DNAJC10: variants seen among roughly 807,000 people sequenced by gnomAD.
The protein encoded by DNAJC10 is DnaJ heat shock protein family (Hsp40) member C10.
In DNAJC10, 101 loss-of-function variants were observed where a neutral mutation model predicts 115.0. The ratio of observed to expected loss-of-function variants is 0.88; its 90% CI spans 0.75 to 1.04. DNAJC10 has a LOEUF of 1.04. Ranked by LOEUF, DNAJC10 falls within the 50% of genes least tolerant of loss-of-function variation. The pLI is 0.00. For synonymous variants in DNAJC10, 307 were observed against 301.5 expected, an observed-to-expected ratio of 1.02 and a Z score of -0.19; for missense variants, 981 against 928.8, an observed-to-expected ratio of 1.06 and a Z score of -0.73.
rs1163523637 is a variant in DNAJC10 at position 182,779,680 on chromosome 2, T to C, written c.*2548T>C. On this transcript the variant is annotated 3_prime_UTR_variant, in exon 24 of 24. Coordinates refer to ENST00000264065, the MANE Select transcript of DNAJC10 (RefSeq NM_018981.4). The stretch of plus-strand genomic sequence containing the variant: ...AGCTTTTTTATTTAAAGGTATATGA[T>C]TAAGATAAAGGAAAAGTAAAATGAA... The C allele has an allele frequency of 2.0e-5, 3 of 152,218 alleles. No homozygotes were observed. The highest frequency in any genetic ancestry group is 7.2e-5 in the African/African-American group (3 of 41,464). 9.4% of individuals were successfully genotyped at this position (152,218 alleles called of 1,614,324 possible).
intron 5 of DNAJC10, among the ~76,000 whole-genome samples, chr2:182,725,404 G>GTAT: frequency 6.6e-6 from 1 of 152,244 alleles, no homozygotes; most frequent in East Asian, 1.9e-4. Context: ...CCCAAGACAG[G>GTAT]CTAAAAGGTA....
intron 5 of DNAJC10, among the ~76,000 whole-genome samples, chr2:182,724,835 T>G (rs2105612946): frequency 6.6e-6 from 1 of 152,274 alleles, no homozygotes; most frequent in Middle Eastern, 3.4e-3. Flanking sequence ...TATTTTAACT[T>G]TATTCTTATT....
In DNAJC10 at chr2:182,781,582, A is replaced by G. The variant is rs1694848395; in HGVS notation, c.*4450A>G. Reference sequence around the variant, plus strand: ...TGAACAAATTTACACTCCCACTAACAGTGTAAAAGCATTCCTATTTCTCCA... The same window carrying G: ...TGAACAAATTTACACTCCCACTAACGGTGTAAAAGCATTCCTATTTCTCCA... On this transcript the variant is annotated 3_prime_UTR_variant, in exon 24 of 24. Coordinates refer to ENST00000264065, the MANE Select transcript of DNAJC10 (RefSeq NM_018981.4). 6.6e-6 allele frequency: 1 copy of G among 152,182 alleles called. No individual in the cohort carries two copies. The highest frequency in any genetic ancestry group is 2.1e-4 in the South Asian group (1 of 4,822). The allele number at this position is 152,182 out of a possible 1,614,324, so 9.4% of individuals were successfully genotyped here. A position where few individuals can be genotyped will look rare whatever the true frequency, so the allele number is the denominator to read the frequency against.
rs1160302432 is a variant in DNAJC10 at position 182,790,998 on chromosome 2, G to C, written c.*13866G>C. ...TCCTTCTCTCTTTGTTCACTATTTT[G>C]ATATTTAAATGTTATGACTTATTTT... is the stretch of plus-strand genomic sequence containing the variant. On this transcript the variant is annotated 3_prime_UTR_variant, in exon 24 of 24. Transcript: ENST00000264065. 6.6e-6 allele frequency: 1 copy of C among 151,480 alleles called. No individual in the cohort carries two copies. The highest frequency in any genetic ancestry group is 1.5e-5 in the Non-Finnish European group (1 of 67,894). The allele number at this position is 151,480 out of a possible 1,614,324, so 9.4% of individuals were successfully genotyped here.
At position 182,775,428 on chromosome 2, in the gene DNAJC10, C is replaced by G. The variant is rs1309702669; in HGVS notation, c.2370+8C>G. ...CAAGGCAAGAGGAATAAGGTATGGA[C>G]TAAGCCTAGAGTTGACTTTGGCAAA... On this transcript the variant is annotated splice_region_variant and intron_variant, in intron 23 of 23. Transcript: ENST00000264065. The G allele has an allele frequency of 1.9e-6, 3 of 1,590,552 alleles. No homozygotes were observed. In the African/African-American group the frequency reaches 4.0e-5, roughly 21 times the overall value.
At position 182,759,281 on chromosome 2, in the gene DNAJC10, G is replaced by T; in HGVS notation, c.2119G>T (p.Ala707Ser). 6.2e-7 allele frequency: 1 copy of T among 1,609,794 alleles called. No individual in the cohort carries two copies. The highest frequency in any genetic ancestry group is 8.5e-7 in the Non-Finnish European group (1 of 1,179,074). ...TTGGTGTGGACCTTGCCAGAATTTTGCTCCAGAATTTGAGCTCTTGGCTAG... is the reference window on the plus strand; with the variant it reads ...TTGGTGTGGACCTTGCCAGAATTTTTCTCCAGAATTTGAGCTCTTGGCTAG... ...APWCGPCQNF[A>S]PEFELLARMI... Residue 707 changes from alanine to serine, a missense_variant, in exon 21 of 24, where the codon GCT becomes TCT. By Grantham distance (99) the Ala-to-Ser change is moderately conservative. Transcript: ENST00000264065.
chr2:182,746,327 T>G lies in DNAJC10; in HGVS notation c.1306+2615T>G, dbSNP rs556052359. 1.3e-3 allele frequency among the ~76,000 whole-genome samples: 200 copies of G among 152,336 alleles called. 2 individuals are homozygous for G. Among genetic ancestry groups the G allele is most frequent in the African/African-American group, 4.5e-3 (189 of 41,578 alleles). On this transcript the variant is annotated intron_variant, in intron 14 of 23. Coordinates refer to ENST00000264065, the MANE Select transcript of DNAJC10 (RefSeq NM_018981.4). ...GATCTAGACTGACTTCTACAATGGT[T>G]GAACTAGTTTACAGTCCCACCAACA...
chr2:182,759,584 C>T (rs1179370522), intron 21 of DNAJC10, among the ~76,000 whole-genome samples: 1 of 152,050 alleles, frequency 6.6e-6, no homozygotes, highest in Non-Finnish European at 1.5e-5. Flanking sequence ...CTACTTTCTC[C>T]TCCCCACCCC....
Position 182,788,442 on chromosome 2 carries a change from A to G in DNAJC10, c.*11310A>G. 3 of 215,660 alleles carry G rather than the reference A, an allele frequency of 1.4e-5. No homozygotes were observed. The highest frequency in any genetic ancestry group is 1.3e-4 in the South Asian group (2 of 14,840). 13.4% of individuals were successfully genotyped at this position (215,660 alleles called of 1,614,324 possible). A position where few individuals can be genotyped will look rare whatever the true frequency, so the allele number is the denominator to read the frequency against. ...TTGCAGAAATCAACAGACAAGGTGG[A>G]TGAGAACTGTAAATCATCAAATAAG... On this transcript the variant is annotated 3_prime_UTR_variant, in exon 24 of 24. Transcript: ENST00000264065.
intron 14 of DNAJC10, among the ~76,000 whole-genome samples, 173 bp from the exon 15 acceptor site, chr2:182,751,485 G>A (rs1694017104): frequency 6.6e-6 from 1 of 152,130 alleles, no homozygotes; most frequent in Middle Eastern, 3.4e-3. Context: ...GCAAGAAAAG[G>A]GTGCTCCTAT....
intron 14 of DNAJC10, among the ~76,000 whole-genome samples, chr2:182,745,902 C>T (rs418159): frequency 0.65 from 97,907 of 151,524 alleles, 31,989 homozygotes; most frequent in Middle Eastern, 0.74. Context: ...CCCCACCCCA[C>T]AACAGTACCC....
intron 22 of DNAJC10, among the ~76,000 whole-genome samples, chr2:182,772,539 T>C (rs183081023): frequency 1.3e-5 from 2 of 152,364 alleles, no homozygotes; most frequent in East Asian, 1.9e-4. Flanking sequence ...TTAGCTCTTC[T>C]TGTGGAATTG....
In DNAJC10 at chr2:182,758,243, T is replaced by C. The variant is rs143391175; in HGVS notation, c.1943+418T>C. Among the ~76,000 whole-genome samples, 183 of 152,270 alleles carry C rather than the reference T, an allele frequency of 1.2e-3. 4 individuals carry two copies. Among genetic ancestry groups the C allele is most frequent in the Middle Eastern group, 6.8e-3 (2 of 294 alleles). Reference sequence around the variant, plus strand: ...CAAGGTCTAGGAGTTATCTAAGGCTTAGATAACTTCCCCAAGTCACACAGC... The same window carrying C: ...CAAGGTCTAGGAGTTATCTAAGGCTCAGATAACTTCCCCAAGTCACACAGC... On this transcript the variant is annotated intron_variant, in intron 19 of 23. Coordinates refer to ENST00000264065, the MANE Select transcript of DNAJC10 (RefSeq NM_018981.4).
chr2:182,719,326 T>C (rs931260749), intron 3 of DNAJC10, among the ~76,000 whole-genome samples: 2 of 148,156 alleles, frequency 1.3e-5, no homozygotes, highest in African/African-American at 2.6e-5. Context: ...CGCCAGCGGC[T>C]TCCTGCAACT....
In DNAJC10 at chr2:182,756,321, T is replaced by C. The variant is rs761790681; in HGVS notation, c.1661T>C (p.Met554Thr). Residue 554 changes from methionine to threonine, a missense_variant, in exon 18 of 24, where the codon ATG becomes ACG. Physicochemically the swap from Met to Thr is moderately conservative, Grantham distance 81 (BLOSUM62 -1). Coordinates refer to ENST00000264065, the MANE Select transcript of DNAJC10 (RefSeq NM_018981.4). ...AAGCTATATTCTCTTCAGGATCTTATGAATCCTTCAGTGGTCTCCCTTACA... is the reference window on the plus strand; with the variant it reads ...AAGCTATATTCTCTTCAGGATCTTACGAATCCTTCAGTGGTCTCCCTTACA... ...EQILEFIEDL[M>T]NPSVVSLTPT... The C allele has an allele frequency of 8.3e-5, 134 of 1,611,514 alleles. No homozygotes were observed. The highest frequency in any genetic ancestry group is 7.5e-5 in the Non-Finnish European group (89 of 1,178,916).
rs890055275 is a variant in DNAJC10 at position 182,716,276 on chromosome 2, C to G, written c.-411C>G. The G allele has an allele frequency of 1.3e-5, 2 of 152,414 alleles. No homozygotes were observed. Among genetic ancestry groups the G allele is most frequent in the African/African-American group, 4.8e-5 (2 of 41,478 alleles). 9.4% of individuals were successfully genotyped at this position (152,414 alleles called of 1,614,324 possible). ...CCCCGCCCCGGCTCGCCGTGGAGAC[C>G]GGCGCGTGAGGAACCTACCGGTACC... On this transcript the variant is annotated 5_prime_UTR_variant, in exon 1 of 24. Transcript: ENST00000264065.
At chr2:182,730,056 C>T in intron 8 of DNAJC10, 115 bp downstream of exon 8, 1 of 633,952 alleles carries the variant, frequency 1.6e-6, no homozygotes, top group Non-Finnish European at 2.7e-6. Flanking sequence ...AGTGTCTTTT[C>T]CATGTTTCTT....
intron 16 of DNAJC10, among the ~76,000 whole-genome samples, chr2:182,753,874 G>T (rs987927744): frequency 6.6e-6 from 1 of 152,016 alleles, no homozygotes; most frequent in Non-Finnish European, 1.5e-5. Flanking sequence ...GAGCCACTGC[G>T]CCCAGCCAAT....
At chr2:182,725,903 A>G (rs1447661019) in intron 5 of DNAJC10, among the ~76,000 whole-genome samples, 1 of 152,154 alleles carries the variant, frequency 6.6e-6, no homozygotes, top group Non-Finnish European at 1.5e-5. Flanking sequence ...CTAACACCAT[A>G]TCCATTCTGC....
Sources: gnomAD v4.1 joint callset for allele counts (sites outside exome capture counted in the v4.1 genomes callset) on GRCh38, gnomAD v4.1.1 for gene constraint, MANE v1.5 for transcripts, NCBI Gene and HGNC (gene_info 2026-07-23, HGNC 2026-07-21) for gene names.